The following AGBL4 variants were observed in gnomAD, a reference collection of about 807,000 sequenced individuals.
AGBL4 encodes cytosolic carboxypeptidase 6.
In AGBL4, 58 loss-of-function variants were observed where a neutral mutation model predicts 66.4. The observed-to-expected ratio is 0.87, with a 90% CI of 0.71 to 1.09. AGBL4 has a LOEUF of 1.09. Ranked by LOEUF, AGBL4 falls within the 50% of genes least tolerant of loss-of-function variation. The probability of loss-of-function intolerance (pLI) is 0.00; values close to 1 mark genes in which losing one functional copy is unlikely to be tolerated. For missense variants in AGBL4, 579 were observed against 631.0 expected (o/e 0.92, Z 0.88); for synonymous variants, 234 against 222.9 (o/e 1.05, Z -0.44).
chr1:49,579,779 G>A (rs1050756464), intron 3 of AGBL4, among the ~76,000 whole-genome samples: 1 of 152,248 alleles, frequency 6.6e-6, no homozygotes, highest in Non-Finnish European at 1.5e-5. Context: ...GATTACAGGC[G>A]TGAGCCACTG....
Position 48,587,118 on chromosome 1 carries a change from G to C in AGBL4, c.1153C>G (p.Arg385Gly). 1 of 1,571,706 alleles carries C rather than the reference G, an allele frequency of 6.4e-7. No homozygotes were observed. Among genetic ancestry groups the C allele is most frequent in the East Asian group, 2.4e-5 (1 of 42,476 alleles). Reference sequence around the variant, plus strand: ...TGGTCCAGGAGTCCACCGAGGAAGCGACGGCCAGTTCCTGCTTTCACAGCG... The same window carrying C: ...TGGTCCAGGAGTCCACCGAGGAAGCCACGGCCAGTTCCTGCTTTCACAGCG... ...RDAVKAGTGR[R>G]FLGGLLDHTS... Residue 385 changes from arginine (R) to glycine (G), a missense_variant, in exon 11 of 14, where the codon CGC becomes GGC. Transcript: ENST00000371839.
At chr1:49,002,288 G>A (rs1428102077) in intron 5 of AGBL4, among the ~76,000 whole-genome samples, 3 of 152,134 alleles carry the variant, frequency 2.0e-5, no homozygotes, top group Non-Finnish European at 4.4e-5. Context: ...ACTAACATGG[G>A]CAGAGTTTGT....
chr1:48,707,263 C>T (rs188336114), intron 6 of AGBL4, among the ~76,000 whole-genome samples: 1 of 152,254 alleles, frequency 6.6e-6, no homozygotes, highest in African/African-American at 2.4e-5. Context: ...CACTGCACTC[C>T]AGCCTGGGTG....
chr1:49,343,144 C>T (rs1475703475), intron 3 of AGBL4, among the ~76,000 whole-genome samples: 2 of 151,920 alleles, frequency 1.3e-5, no homozygotes, highest in African/African-American at 2.4e-5. Context: ...TTATTTCCCC[C>T]GTCTATCTTC....
intron 3 of AGBL4, among the ~76,000 whole-genome samples, chr1:49,683,744 T>C (rs564053641): frequency 6.6e-5 from 10 of 152,152 alleles, no homozygotes; most frequent in Admixed American, 1.3e-4. Context: ...ACGACATGAA[T>C]AATGAATGAA....
At chr1:49,516,253 T>C (rs1398245284) in intron 3 of AGBL4, among the ~76,000 whole-genome samples, 1 of 151,902 alleles carries the variant, frequency 6.6e-6, no homozygotes, top group Non-Finnish European at 1.5e-5. Context: ...AATTATACTA[T>C]AGCATCACAA....
intron 6 of AGBL4, among the ~76,000 whole-genome samples, chr1:48,683,657 G>A (rs562914547): frequency 1.2e-4 from 19 of 152,214 alleles, no homozygotes; most frequent in Non-Finnish European, 2.6e-4. Context: ...TAGAGGGGTG[G>A]ATTTGCTGTC....
intron 1 of AGBL4, among the ~76,000 whole-genome samples, chr1:49,977,207 T>C (rs1482658956): frequency 6.6e-6 from 1 of 152,072 alleles, no homozygotes; most frequent in Non-Finnish European, 1.5e-5. Flanking sequence ...CCTCCCAAAT[T>C]CCATGAGCTT....
At chr1:49,282,260 C>A (rs1390340421) in intron 3 of AGBL4, among the ~76,000 whole-genome samples, 3 of 152,144 alleles carry the variant, frequency 2.0e-5, no homozygotes, top group Non-Finnish European at 4.4e-5. Flanking sequence ...GAATGAACTG[C>A]AGGTCTGCTT....
intron 9 of AGBL4, among the ~76,000 whole-genome samples, chr1:48,620,915 A>G (rs1035495519): frequency 1.3e-5 from 2 of 152,034 alleles, no homozygotes; most frequent in Admixed American, 1.3e-4. Context: ...GGAGGCTCAG[A>G]AAGGTGAGGT....
At chr1:48,569,117 G>T (rs143390402) in intron 11 of AGBL4, among the ~76,000 whole-genome samples, 24 of 152,236 alleles carry the variant, frequency 1.6e-4, no homozygotes, top group African/African-American at 4.6e-4. Context: ...GGCCCATTAG[G>T]GTACAGCTCA....
intron 3 of AGBL4, among the ~76,000 whole-genome samples, chr1:49,368,474 T>C (rs1018123815): frequency 4.6e-5 from 7 of 152,162 alleles, no homozygotes; most frequent in African/African-American, 1.7e-4. Context: ...TATGAGGAAG[T>C]TACCATTATC....
Position 48,590,915 on chromosome 1 carries a change from T to C in AGBL4, c.1022A>G (p.Asn341Ser), listed in dbSNP as rs752378443. ...STMMNGFMYG[N>S]IFEDEERFQR... is the part of the protein sequence containing the mutation. ...GAACCGTTCCTCATCCTCAAAGATG[T>C]TGCCATACATGAAGCCATTCATCAT... Residue 341 changes from asparagine to serine, a missense_variant, in exon 10 of 14, where the codon AAC (asparagine) becomes AGC (serine). Coordinates refer to ENST00000371839, the MANE Select transcript of AGBL4 (RefSeq NM_032785.4). The C allele has an allele frequency of 2.5e-6, 4 of 1,610,156 alleles. No homozygotes were observed. The highest frequency in any genetic ancestry group is 1.3e-5 in the African/African-American group (1 of 74,838).
At chr1:48,868,265 T>G (rs980802778) in intron 5 of AGBL4, among the ~76,000 whole-genome samples, 2 of 152,174 alleles carry the variant, frequency 1.3e-5, no homozygotes, top group Non-Finnish European at 2.9e-5. Flanking sequence ...CTTGCTATAT[T>G]TTACCTCCCC....
At chr1:49,380,010 G>T (rs1369268237) in intron 3 of AGBL4, among the ~76,000 whole-genome samples, 1 of 152,064 alleles carries the variant, frequency 6.6e-6, no homozygotes, top group Non-Finnish European at 1.5e-5. Context: ...GGGAAATTAG[G>T]CAGGAGAAGG....
intron 3 of AGBL4, among the ~76,000 whole-genome samples, chr1:49,417,647 G>A (rs1645456093): frequency 6.6e-6 from 1 of 152,098 alleles, no homozygotes; most frequent in Non-Finnish European, 1.5e-5. Context: ...ATTGAAACAA[G>A]AAATGGGGTT....
intron 3 of AGBL4, among the ~76,000 whole-genome samples, chr1:49,296,957 C>CA (rs1644655327): frequency 6.6e-6 from 1 of 152,064 alleles, no homozygotes; most frequent in Non-Finnish European, 1.5e-5. Flanking sequence ...AACCTAAAGT[C>CA]AAAAAAGACC....
chr1:49,578,795 T>C (rs1434418921), intron 3 of AGBL4, among the ~76,000 whole-genome samples: 2 of 152,160 alleles, frequency 1.3e-5, no homozygotes, highest in Non-Finnish European at 1.5e-5. Flanking sequence ...ATGCTCTCAG[T>C]AGAGCGTATG....
chr1:49,704,288 A>G (rs1163933980), intron 2 of AGBL4, among the ~76,000 whole-genome samples: 1 of 152,112 alleles, frequency 6.6e-6, no homozygotes. Flanking sequence ...AGACCTTTAC[A>G]TGTATGAAAC....
Sources: gnomAD v4.1 joint callset for allele counts (sites outside exome capture counted in the v4.1 genomes callset) on GRCh38, gnomAD v4.1.1 for gene constraint, MANE v1.5 for transcripts, NCBI Gene and HGNC (gene_info 2026-07-23, HGNC 2026-07-21) for gene names.